GPR63: variants seen among roughly 807,000 people sequenced by gnomAD.
GPR63 encodes the protein probable G protein-coupled receptor 63.
In GPR63, 12 loss-of-function variants were observed where a neutral mutation model predicts 23.1. The observed-to-expected ratio is 0.52, with a 90% CI of 0.33 to 0.84. The LOEUF (loss-of-function observed/expected upper bound fraction) is 0.84. GPR63 is among the 40% of genes least tolerant of loss of function. The pLI is 0.02. For missense variants in GPR63, 472 were observed against 515.6 expected, an observed-to-expected ratio of 0.92 and a Z score of 0.82; for synonymous variants, 172 against 191.1, an observed-to-expected ratio of 0.90 and a Z score of 0.82.
intron 1 of GPR63, among the ~76,000 whole-genome samples, chr6:96,824,789 G>A (rs1774398645): frequency 6.6e-6 from 1 of 152,072 alleles, no homozygotes; most frequent in South Asian, 2.1e-4. Flanking sequence ...CACTGATAGT[G>A]TCGTGAGTTA....
chr6:96,813,119 TATTTA>T (rs1774083277), intron 1 of GPR63, among the ~76,000 whole-genome samples: 1 of 152,160 alleles, frequency 6.6e-6, no homozygotes, highest in Non-Finnish European at 1.5e-5. Context: ...GTTCCTAGCC[TATTTA>T]ATTTACCATA....
In GPR63 at chr6:96,799,733, G is replaced by C. The variant is rs200408008; in HGVS notation, c.-2C>G. ...AGTCAACACTGCCGAGAAGACCATG[G>C]TTTCAGTAGGATGGAAGATGCAAGC... is the stretch of plus-strand genomic sequence containing the variant. On this transcript the variant is annotated 5_prime_UTR_variant, in exon 2 of 2. Transcript: ENST00000229955. 1 of 1,614,168 alleles carries C rather than the reference G, an allele frequency of 6.2e-7. No individual in the cohort carries two copies. Among genetic ancestry groups the C allele is most frequent in the East Asian group, 2.2e-5 (1 of 44,882 alleles).
rs1773527934 is a variant in GPR63, at chr6:96,794,343, C to T, written c.*4129G>A. On this transcript the variant is annotated 3_prime_UTR_variant, in exon 2 of 2. Transcript: ENST00000229955. ...TATCTAAGAAATGTATAATTTACCT[C>T]CAATAACAAACTTGTGCTTTGATAT... 1 of 151,982 alleles carries T rather than the reference C, an allele frequency of 6.6e-6. No individual in the cohort carries two copies. 9.4% of individuals were successfully genotyped at this position (151,982 alleles called of 1,614,324 possible).
chr6:96,798,830 T>C lies in GPR63; in HGVS notation c.902A>G (p.Gln301Arg). The C allele has an allele frequency of 1.2e-6, 2 of 1,614,226 alleles. No homozygotes were observed. Among genetic ancestry groups the C allele is most frequent in the Non-Finnish European group, 1.7e-6 (2 of 1,180,038 alleles). The change falls in exon 2 of 2, where the codon CAG becomes CGG. Residue 301 changes from glutamine (Q) to arginine (R), a missense_variant. Coordinates refer to ENST00000229955, the MANE Select transcript of GPR63 (RefSeq NM_030784.4). ...LGLMSLQRPF[Q>R]MSIDMGFKTR... ...TTTAAAGCCCATGTCAATGCTCATC[T>C]GGAAAGGTCTCTGCAGACTCATGAG... is the stretch of plus-strand genomic sequence containing the variant.
chr6:96,829,241 A>G (rs755778278), intron 1 of GPR63, among the ~76,000 whole-genome samples: 35 of 152,354 alleles, frequency 2.3e-4, no homozygotes, highest in Middle Eastern at 3.4e-3. Context: ...GCCATTGTCC[A>G]TGGAGCTAAC....
intron 1 of GPR63, among the ~76,000 whole-genome samples, chr6:96,825,993 C>G (rs1774429978): frequency 6.6e-6 from 1 of 151,644 alleles, no homozygotes; most frequent in South Asian, 2.1e-4. Context: ...GTTATAAAAA[C>G]TAAAATATAA....
rs1688681451 is a variant in GPR63 at position 96,796,435 on chromosome 6, A to G, written c.*2037T>C. The G allele has an allele frequency of 6.6e-6, 1 of 152,226 alleles. No individual in the cohort carries two copies. Among genetic ancestry groups the G allele is most frequent in the Non-Finnish European group, 1.5e-5 (1 of 68,040 alleles). 9.4% of individuals were successfully genotyped at this position (152,226 alleles called of 1,614,324 possible). A position where few individuals can be genotyped will look rare whatever the true frequency, so the allele number is the denominator to read the frequency against. Reference sequence around the variant, plus strand: ...TATAAATCCACAGTTAACTTACTTAATTAGTCAATGATGTAGCCAAGTGGC... The same window carrying G: ...TATAAATCCACAGTTAACTTACTTAGTTAGTCAATGATGTAGCCAAGTGGC... On this transcript the variant is annotated 3_prime_UTR_variant, in exon 2 of 2. Transcript: ENST00000229955.
chr6:96,805,403 C>T (rs1397733304), intron 1 of GPR63, among the ~76,000 whole-genome samples: 3 of 152,180 alleles, frequency 2.0e-5, no homozygotes, highest in Admixed American at 1.3e-4. Flanking sequence ...CACCCCATGA[C>T]TCAAATACCT....
At chr6:96,820,018 CA>C (rs1774273101) in intron 1 of GPR63, among the ~76,000 whole-genome samples, 1 of 150,954 alleles carries the variant, frequency 6.6e-6, no homozygotes, top group African/African-American at 2.4e-5. Flanking sequence ...AAAATTCGAC[CA>C]GTAGGACAGT....
At chr6:96,814,387 A>G (rs1651670142) in intron 1 of GPR63, among the ~76,000 whole-genome samples, 1 of 152,210 alleles carries the variant, frequency 6.6e-6, no homozygotes, top group Admixed American at 6.5e-5. Flanking sequence ...TGCAATTATT[A>G]TAGCTACCAA....
At chr6:96,815,245 CA>C (rs1774134568) in intron 1 of GPR63, among the ~76,000 whole-genome samples, 2 of 152,146 alleles carry the variant, frequency 1.3e-5, no homozygotes, top group African/African-American at 4.8e-5. Flanking sequence ...ATTTATAAAA[CA>C]GGCACTTTCT....
intron 1 of GPR63, among the ~76,000 whole-genome samples, chr6:96,809,526 G>A (rs1773986746): frequency 6.6e-6 from 1 of 151,976 alleles, no homozygotes; most frequent in Admixed American, 6.6e-5. Flanking sequence ...GATACCATGT[G>A]TATATATAAC....
chr6:96,834,192 G>C (rs978624546), intron 1 of GPR63, among the ~76,000 whole-genome samples: 6 of 152,188 alleles, frequency 3.9e-5, no homozygotes, highest in Non-Finnish European at 7.3e-5. Flanking sequence ...CTTGCTGTCA[G>C]CTTCAGAAAC....
chr6:96,836,513 G>A (rs896405949), intron 1 of GPR63, among the ~76,000 whole-genome samples: 23 of 152,016 alleles, frequency 1.5e-4, no homozygotes, highest in African/African-American at 5.6e-4. Context: ...CCTAAGTGTC[G>A]AGACTCAGTC....
Position 96,798,976 on chromosome 6 carries a change from GAAGA to G in GPR63, c.752_755del (p.Phe251SerfsTer6). ...AGTACAGTATTACCAGGAAGGGTATGAAGAAAGAAATGAGAGAAATCAAAATCAC... is the reference window on the plus strand; with the variant it reads ...AGTACAGTATTACCAGGAAGGGTATGAAGAAATGAGAGAAATCAAAATCAC... On this transcript the variant is annotated frameshift_variant, in exon 2 of 2. Coordinates refer to ENST00000229955, the MANE Select transcript of GPR63 (RefSeq NM_030784.4). LOFTEE classifies it high-confidence loss of function. 6.2e-7 allele frequency: 1 copy of G among 1,614,192 alleles called. No homozygotes were observed.
rs1170157279 is a variant in GPR63, at chr6:96,798,111, A to C, written c.*361T>G. 2 of 174,908 alleles carry C rather than the reference A, an allele frequency of 1.1e-5. No individual in the cohort carries two copies. Among genetic ancestry groups the C allele is most frequent in the African/African-American group, 4.8e-5 (2 of 42,052 alleles). The allele number at this position is 174,908 out of a possible 1,614,324, so 10.8% of individuals were successfully genotyped here. ...AAAAAAAAAGTCTTGATAAACTCAAATAAGCATACCTTAGCAGCACACGAA... is the reference window on the plus strand; with the variant it reads ...AAAAAAAAAGTCTTGATAAACTCAACTAAGCATACCTTAGCAGCACACGAA... On this transcript the variant is annotated 3_prime_UTR_variant, in exon 2 of 2. Transcript: ENST00000229955.
intron 1 of GPR63, among the ~76,000 whole-genome samples, chr6:96,804,874 A>G (rs1773857028): frequency 6.6e-6 from 1 of 152,206 alleles, no homozygotes; most frequent in East Asian, 1.9e-4. Context: ...TTATGTAAAT[A>G]GTATATTTAC....
At position 96,807,093 on chromosome 6, in the gene GPR63, G is replaced by T. The variant is rs143343157; in HGVS notation, c.-150-7212C>A. On this transcript the variant is annotated intron_variant, in intron 1 of 1. Coordinates refer to ENST00000229955, the MANE Select transcript of GPR63 (RefSeq NM_030784.4). The stretch of plus-strand genomic sequence containing the variant: ...GAAAAACTACATTCATTCATAGACA[G>T]TAGCTAATGGTTTGACTGGCTAGTC... Among the ~76,000 whole-genome samples the T allele has an allele frequency of 1.1e-3, 166 of 152,330 alleles. 1 individual carries two copies. Among genetic ancestry groups the T allele is most frequent in the African/African-American group, 3.9e-3 (161 of 41,578 alleles).
chr6:96,836,022 T>C (rs1328299918), intron 1 of GPR63, among the ~76,000 whole-genome samples: 1 of 152,120 alleles, frequency 6.6e-6, no homozygotes, highest in African/African-American at 2.4e-5. Context: ...ATCAATTATG[T>C]CACTAAAATT....
Sources: allele counts gnomAD v4.1 joint callset (sites outside exome capture counted in the v4.1 genomes callset), GRCh38; gene constraint gnomAD v4.1.1; transcripts MANE v1.5; gene names NCBI Gene and HGNC (gene_info 2026-07-23, HGNC 2026-07-21).